Variants in CCDC148 observed in about 807,000 individuals in gnomAD.
The protein encoded by CCDC148 is coiled-coil domain containing 148.
Under a neutral mutation model 85.7 loss-of-function variants are expected in CCDC148, and 89 were observed. The observed-to-expected ratio is 1.04, with a 90% CI of 0.87 to 1.24. The LOEUF (loss-of-function observed/expected upper bound fraction) is 1.24, where lower values mean the gene tolerates loss of function less well. Among genes scored for constraint, CCDC148 ranks in the 50% most tolerant of loss-of-function variants. The pLI is 0.00. For missense variants in CCDC148, 692 were observed against 671.7 expected, an observed-to-expected ratio of 1.03 and a Z score of -0.33; for synonymous variants, 230 against 213.9, an observed-to-expected ratio of 1.08 and a Z score of -0.66.
chr2:158,299,964 T>C (rs1448496829), intron 9 of CCDC148, among the ~76,000 whole-genome samples: 1 of 152,166 alleles, frequency 6.6e-6, no homozygotes, highest in Non-Finnish European at 1.5e-5. Flanking sequence ...TACAATCAGC[T>C]AGAGAGACAA....
At chr2:158,354,405 G>A (rs969909840) in intron 2 of CCDC148, among the ~76,000 whole-genome samples, 3 of 151,904 alleles carry the variant, frequency 2.0e-5, no homozygotes, top group Non-Finnish European at 4.4e-5. Context: ...TCTCACCACC[G>A]ATCCCACAGA....
At chr2:158,424,416 AGGGACAT>A (rs1337561574) in intron 1 of CCDC148, among the ~76,000 whole-genome samples, 3 of 152,160 alleles carry the variant, frequency 2.0e-5, no homozygotes, top group African/African-American at 7.2e-5. Context: ...TGTCCTTTGT[AGGGACAT>A]GGATGAAGCT....
At chr2:158,288,067 G>C (rs1442123245) in intron 9 of CCDC148, among the ~76,000 whole-genome samples, 1 of 152,208 alleles carries the variant, frequency 6.6e-6, no homozygotes, top group Admixed American at 6.5e-5. Context: ...TGTAGCCACA[G>C]CCTGACCTGT....
chr2:158,245,470 G>C (rs1264981621), intron 10 of CCDC148, among the ~76,000 whole-genome samples: 1 of 152,188 alleles, frequency 6.6e-6, no homozygotes, highest in Non-Finnish European at 1.5e-5. Flanking sequence ...TGCACAAAGT[G>C]TCTGGTGTGC....
intron 2 of CCDC148, among the ~76,000 whole-genome samples, chr2:158,356,613 AC>A (rs1175705532): frequency 1.3e-5 from 2 of 149,036 alleles, no homozygotes; most frequent in South Asian, 2.2e-4. Context: ...AGAAATAGGA[AC>A]ACTTTTACAC....
Position 158,362,795 on chromosome 2 carries a change from G to T in CCDC148, c.26-4225C>A, listed in dbSNP as rs180839871. Among the ~76,000 whole-genome samples, 1,129 of 152,120 alleles carry T rather than the reference G, an allele frequency of 7.4e-3. 20 individuals are homozygous for T. The highest frequency in any genetic ancestry group is 0.026 in the African/African-American group (1,077 of 41,492). On this transcript the variant is annotated intron_variant, in intron 1 of 13. Coordinates refer to ENST00000283233, the MANE Select transcript of CCDC148 (RefSeq NM_138803.4). ...CAAGAGCAAACAAATTCAAAAGCTA[G>T]CAGAAGACAAGAAATAACTAAGATC...
intron 10 of CCDC148, among the ~76,000 whole-genome samples, chr2:158,228,820 G>GA (rs1429383622): frequency 7.7e-6 from 1 of 129,046 alleles, no homozygotes; most frequent in Non-Finnish European, 1.7e-5. Flanking sequence ...GGGTTGGGGG[G>GA]AGGGGGGAGG....
At chr2:158,195,573 A>T (rs1037759354) in intron 11 of CCDC148, among the ~76,000 whole-genome samples, 2 of 152,122 alleles carry the variant, frequency 1.3e-5, no homozygotes, top group Admixed American at 1.3e-4. Context: ...CATTTTTGAG[A>T]GGGACCCATT....
chr2:158,430,337 G>A (rs180986524), intron 1 of CCDC148, among the ~76,000 whole-genome samples: 1 of 152,184 alleles, frequency 6.6e-6, no homozygotes, highest in East Asian at 1.9e-4. Flanking sequence ...TTAGCAGCCT[G>A]CCAAAACAAG....
chr2:158,311,139 G>T (rs1167093874), intron 8 of CCDC148, among the ~76,000 whole-genome samples: 1 of 152,216 alleles, frequency 6.6e-6, no homozygotes, highest in Non-Finnish European at 1.5e-5. Flanking sequence ...GGTGGAGGTT[G>T]TAGCGAGCGG....
chr2:158,208,925 G>A (rs950166226), intron 11 of CCDC148, among the ~76,000 whole-genome samples: 6 of 151,868 alleles, frequency 4.0e-5, no homozygotes, highest in Non-Finnish European at 7.4e-5. Flanking sequence ...ATTATATGAC[G>A]CTGTAAAACT....
rs1229257906 is a variant in CCDC148 at position 158,425,438 on chromosome 2, T to C, written c.25+30977A>G. 1.2e-5 allele frequency: 4 copies of C among 321,114 alleles called. No homozygotes were observed. In the East Asian group the frequency reaches 2.8e-4, roughly 22 times the overall value. The allele number at this position is 321,114 out of a possible 1,614,324, so 19.9% of individuals were successfully genotyped here. A position where few individuals can be genotyped will look rare whatever the true frequency, so the allele number is the denominator to read the frequency against. On this transcript the variant is annotated intron_variant, in intron 1 of 13. Coordinates refer to ENST00000283233, the MANE Select transcript of CCDC148 (RefSeq NM_138803.4). ...CTTTCTAGTGTACAAGACACAATTG[T>C]GTCTAACTGTATATAGCTGCCAATT... is the stretch of plus-strand genomic sequence containing the variant.
At chr2:158,217,170 G>A (rs1258335843) in intron 11 of CCDC148, among the ~76,000 whole-genome samples, 1 of 151,906 alleles carries the variant, frequency 6.6e-6, no homozygotes, top group Non-Finnish European at 1.5e-5. Flanking sequence ...AATAGATTGA[G>A]AAGGTAAATG....
chr2:158,292,833 C>G (rs1690956428), intron 9 of CCDC148, among the ~76,000 whole-genome samples: 1 of 152,098 alleles, frequency 6.6e-6, no homozygotes. Flanking sequence ...AATATAAAAG[C>G]CAGATGTAAA....
chr2:158,285,469 C>T (rs1690575900), intron 9 of CCDC148, among the ~76,000 whole-genome samples: 1 of 150,550 alleles, frequency 6.6e-6, no homozygotes, highest in Non-Finnish European at 1.5e-5. Context: ...TAGTAATATA[C>T]ATATATATAC....
At chr2:158,224,949 G>A (rs1179595745) in intron 10 of CCDC148, among the ~76,000 whole-genome samples, 299 of 151,960 alleles carry the variant, frequency 2.0e-3, no homozygotes, top group African/African-American at 6.6e-3. Flanking sequence ...ATTCACACAT[G>A]ACAATATTAA....
At chr2:158,406,924 G>C (rs371690251) in intron 1 of CCDC148, among the ~76,000 whole-genome samples, 28 of 151,986 alleles carry the variant, frequency 1.8e-4, no homozygotes, top group Non-Finnish European at 2.9e-4. Context: ...CGCTCAGCCT[G>C]GCACATTACA....
At chr2:158,433,214 C>T (rs1687453344) in intron 1 of CCDC148, among the ~76,000 whole-genome samples, 1 of 139,094 alleles carries the variant, frequency 7.2e-6, no homozygotes, top group Admixed American at 7.2e-5. Flanking sequence ...GAGCTGAAAT[C>T]AAACCACTGT....
At chr2:158,354,551 A>C (rs541015604) in intron 2 of CCDC148, among the ~76,000 whole-genome samples, 9 of 152,228 alleles carry the variant, frequency 5.9e-5, no homozygotes, top group Non-Finnish European at 1.3e-4. Flanking sequence ...CTCTGAATAG[A>C]CCAAGAACAG....
Sources: gnomAD v4.1 joint callset for allele counts (sites outside exome capture counted in the v4.1 genomes callset) on GRCh38, gnomAD v4.1.1 for gene constraint, MANE v1.5 for transcripts, NCBI Gene and HGNC (gene_info 2026-07-23, HGNC 2026-07-21) for gene names.